The following IKBKG variants were observed in gnomAD, a reference collection of about 807,000 sequenced individuals.
IKBKG encodes NF-kappa-B essential modulator.
In IKBKG, 2 loss-of-function variants were observed where a neutral mutation model predicts 13.7. The ratio of observed to expected loss-of-function variants is 0.15; its 90% confidence interval spans 0.06 to 0.46. The LOEUF (loss-of-function observed/expected upper bound fraction) is 0.46. Ranked by LOEUF, IKBKG falls within the 20% of genes least tolerant of loss-of-function variation. The pLI is 0.98. For synonymous variants in IKBKG, 22 were observed against 64.4 expected, an observed-to-expected ratio of 0.34 and a Z score of 3.15; for missense variants, 53 against 150.3, an observed-to-expected ratio of 0.35 and a Z score of 3.39.
intron 1 of IKBKG, among the ~76,000 whole-genome samples, chrX:154,541,552 C>G (rs1459066647): frequency 8.9e-6 from 1 of 111,981 alleles, no homozygotes; most frequent in African/African-American, 3.2e-5. Flanking sequence ...TCTGGAGGAA[C>G]AAACATGGGA....
At chrX:154,547,509 C>T, upstream of IKBKG, 1 of 755,163 alleles carries the variant, frequency 1.3e-6, no homozygotes. Context: ...ACTCAGACTT[C>T]TCTCCGGAGC....
At position 154,547,719 on chromosome X, in the gene IKBKG, C is replaced by G; in HGVS notation, c.-42C>G. ...TTCACAGTCCGCCGCTCCCACCCTT[C>G]TCACGTCTGACGGACTCTGCTGACA... On this transcript the variant is annotated 5_prime_UTR_variant, in exon 1 of 10. Coordinates refer to ENST00000594239, the MANE Select transcript of IKBKG (RefSeq NM_001099857.5). 1.3e-6 allele frequency: 1 copy of G among 755,276 alleles called. No homozygotes were observed. The highest frequency in any genetic ancestry group is 6.7e-5 in the South Asian group (1 of 14,926). The allele number at this position is 755,276 out of a possible 1,213,427, so 62.2% of individuals were successfully genotyped here. A position where few individuals can be genotyped will look rare whatever the true frequency, so the allele number is the denominator to read the frequency against.
chrX:154,548,033 G>A, intron 1 of IKBKG: 1 of 754,695 alleles, frequency 1.3e-6, no homozygotes, highest in Non-Finnish European at 1.6e-6. Context: ...ACTTGACTGC[G>A]CTCTATCGAG....
chrX:154,549,991 A>G (rs1010509458), intron 1 of IKBKG, among the ~76,000 whole-genome samples: 22 of 112,025 alleles, frequency 2.0e-4, no homozygotes, highest in African/African-American at 6.8e-4. Context: ...TGCTACAAGC[A>G]TTCATGTGGA....
At chrX:154,551,935 G>T in intron 1 of IKBKG, 53 bp from the exon 2 acceptor site, 5 of 922,132 alleles carry the variant, frequency 5.4e-6, no homozygotes, top group Non-Finnish European at 5.7e-6. Flanking sequence ...GGCTTTTTCT[G>T]CTGGGTAAGG....
At chrX:154,543,745 G>A (rs191860723), upstream of IKBKG, among the ~76,000 whole-genome samples, 155 of 110,475 alleles carry the variant, frequency 1.4e-3, no homozygotes, top group South Asian at 9.5e-3. Flanking sequence ...CCAGGATGGA[G>A]TGCAATGGTG....
upstream of IKBKG, chrX:154,545,836 C>CAAAAAA: frequency 3.5e-6 from 1 of 283,023 alleles, no homozygotes; most frequent in Non-Finnish European, 5.8e-6. Context: ...ACTCCGTCTC[C>CAAAAAA]AAAAAAAAAA....
At chrX:154,546,909 G>A (rs1603415701), upstream of IKBKG, 7 of 806,203 alleles carry the variant, frequency 8.7e-6, no homozygotes, top group Non-Finnish European at 1.1e-5. Context: ...TGGGCTGAGC[G>A]GACCCGCCTC....
At chrX:154,546,775 G>T, upstream of IKBKG, 1 of 1,150,333 alleles carries the variant, frequency 8.7e-7, no homozygotes. Flanking sequence ...CGCGGCGCCC[G>T]CCCGGCCGGT....
chrX:154,549,540 A>G (rs2070869775), intron 1 of IKBKG, among the ~76,000 whole-genome samples: 1 of 110,907 alleles, frequency 9.0e-6, no homozygotes, highest in African/African-American at 3.3e-5. Context: ...ATGACCTCCC[A>G]AAGTGCTGGG....
At chrX:154,548,032 C>T in intron 1 of IKBKG, 1 of 754,601 alleles carries the variant, frequency 1.3e-6, no homozygotes, top group Non-Finnish European at 1.6e-6. Flanking sequence ...AACTTGACTG[C>T]GCTCTATCGA....
intron 1 of IKBKG, among the ~76,000 whole-genome samples, chrX:154,541,771 C>T (rs2070513707): frequency 8.9e-6 from 1 of 112,637 alleles, no homozygotes; most frequent in Non-Finnish European, 1.9e-5. Context: ...CTCTAGCCAC[C>T]AACATCTGGC....
chrX:154,543,931 G>T (rs1249851293), upstream of IKBKG, among the ~76,000 whole-genome samples: 1 of 106,678 alleles, frequency 9.4e-6, no homozygotes, highest in African/African-American at 3.4e-5. Context: ...GCAGTGTTGC[G>T]ATTTCTGCTC....
upstream of IKBKG, among the ~76,000 whole-genome samples, chrX:154,546,445 G>A (rs2070718353): frequency 8.9e-6 from 1 of 112,105 alleles, no homozygotes; most frequent in Admixed American, 9.4e-5. Context: ...CTGGACAACC[G>A]AGTAAAATCC....
upstream of IKBKG, among the ~76,000 whole-genome samples, chrX:154,545,409 A>G (rs1437132883): frequency 8.9e-6 from 1 of 112,129 alleles, no homozygotes; most frequent in Non-Finnish European, 1.9e-5. Context: ...TTGTTAAGGC[A>G]TGAACAGGTC....
chrX:154,543,182 G>A (rs1173290369), upstream of IKBKG, among the ~76,000 whole-genome samples: 1 of 112,317 alleles, frequency 8.9e-6, no homozygotes. Context: ...TCAGAGAGAG[G>A]ACCCCTTGTC....
chrX:154,543,797 G>A (rs370503677), upstream of IKBKG, among the ~76,000 whole-genome samples: 9 of 109,926 alleles, frequency 8.2e-5, no homozygotes, highest in Admixed American at 1.9e-4. Context: ...GGGTTCAAGC[G>A]ATTTTCCTGC....
chrX:154,552,243 C>A (rs1001035466), intron 2 of IKBKG, 54 bp downstream of exon 2: 1 of 1,032,325 alleles, frequency 9.7e-7, no homozygotes, highest in Non-Finnish European at 1.3e-6. Context: ...GTCTTCTCCC[C>A]ACCTGCACCT....
rs781892396 is a variant in IKBKG at position 154,547,671 on chromosome X, G to C, written c.-90G>C. On this transcript the variant is annotated 5_prime_UTR_variant, in exon 1 of 10. Coordinates refer to ENST00000594239, the MANE Select transcript of IKBKG (RefSeq NM_001099857.5). ...GCGACCGCGAAACTGGGACTTTCTCGGAGCGCCGGGGCCCTACCAGCGTTC... is the reference window on the plus strand; with the variant it reads ...GCGACCGCGAAACTGGGACTTTCTCCGAGCGCCGGGGCCCTACCAGCGTTC... 17 of 753,955 alleles carry C rather than the reference G, an allele frequency of 2.3e-5. No individual in the cohort carries two copies. The highest frequency in any genetic ancestry group is 2.5e-5 in the Non-Finnish European group (16 of 639,261). The allele number at this position is 753,955 out of a possible 1,213,427, so 62.1% of individuals were successfully genotyped here.
Sources: gnomAD v4.1 joint callset for allele counts (sites outside exome capture counted in the v4.1 genomes callset) on GRCh38, gnomAD v4.1.1 for gene constraint, MANE v1.5 for transcripts, NCBI Gene and HGNC (gene_info 2026-07-23, HGNC 2026-07-21) for gene names.